Variants in COL6A6 observed in about 807,000 individuals in gnomAD.
The protein encoded by COL6A6 is collagen alpha-6(VI) chain.
In COL6A6, 183 loss-of-function variants were observed where a neutral mutation model predicts 208.6. The ratio of observed to expected loss-of-function variants is 0.88; its 90% CI spans 0.78 to 0.99. The LOEUF (loss-of-function observed/expected upper bound fraction) is 0.99. COL6A6 is among the 50% of genes least tolerant of loss of function. The pLI is 0.00. For synonymous variants in COL6A6, 973 were observed against 1,011.8 expected (o/e 0.96, Z 0.73); for missense variants, 2,816 against 2,815.2 (o/e 1.00, Z -0.01).
At chr3:130,548,597 CAA>C (rs2062573368) in intron 1 of COL6A6, among the ~76,000 whole-genome samples, 1 of 152,244 alleles carries the variant, frequency 6.6e-6, no homozygotes, top group Non-Finnish European at 1.5e-5. Flanking sequence ...TGGCATATTT[CAA>C]AGTGGCTCCT....
chr3:130,546,041 T>C (rs2062486763), intron 1 of COL6A6, among the ~76,000 whole-genome samples: 2 of 152,240 alleles, frequency 1.3e-5, no homozygotes, highest in East Asian at 3.8e-4. Flanking sequence ...TTTTCAGTTT[T>C]GGAAGTTTCT....
intron 1 of COL6A6, among the ~76,000 whole-genome samples, chr3:130,536,459 C>A (rs113870724): frequency 0.012 from 1,898 of 152,294 alleles, 32 homozygotes; most frequent in African/African-American, 0.043. Context: ...AGCAAGGAAA[C>A]AAATATTACC....
intron 21 of COL6A6, 67 bp downstream of exon 21, chr3:130,607,033 G>T (rs2064203674): frequency 7.6e-7 from 1 of 1,317,630 alleles, no homozygotes; most frequent in African/African-American, 1.5e-5. Context: ...CTGGAATAAA[G>T]TCTCTGTAAA....
At chr3:130,554,531 C>A (rs2062722959) in intron 1 of COL6A6, among the ~76,000 whole-genome samples, 1 of 152,124 alleles carries the variant, frequency 6.6e-6, no homozygotes. Flanking sequence ...CAATGCAGAG[C>A]CACTGGTCTC....
intron 1 of COL6A6, among the ~76,000 whole-genome samples, chr3:130,532,333 C>T (rs990553827): frequency 2.6e-5 from 4 of 152,036 alleles, no homozygotes; most frequent in Non-Finnish European, 4.4e-5. Context: ...AGTTTCTGTA[C>T]CCCCCCATCC....
At chr3:130,658,218 C>G (rs138702475) in intron 33 of COL6A6, among the ~76,000 whole-genome samples, 50 of 152,322 alleles carry the variant, frequency 3.3e-4, no homozygotes, top group African/African-American at 1.2e-3. Flanking sequence ...GATACTCTTT[C>G]TTAAATGGCT....
At chr3:130,673,243 C>T (rs1180972731) in intron 36 of COL6A6, among the ~76,000 whole-genome samples, 2 of 112,486 alleles carry the variant, frequency 1.8e-5, no homozygotes, top group Non-Finnish European at 3.5e-5. Context: ...AACCCAAGTG[C>T]AAACTCCTAC....
Position 130,599,771 on chromosome 3 carries a change from G to T in COL6A6, c.4614G>T (p.Trp1538Cys), listed in dbSNP as rs561654818. 1 of 1,613,742 alleles carries T rather than the reference G, an allele frequency of 6.2e-7. No individual in the cohort carries two copies. The highest frequency in any genetic ancestry group is 8.5e-7 in the Non-Finnish European group (1 of 1,179,758). ...GERGRQGRRG[W>C]PGPPGTPGSR... ...TCCTTTGACAGGGCAGAAGAGGCTG[G>T]CCAGGCCCCCCCGGGACACCAGGCT... The change falls in exon 20 of 37, where the codon TGG (tryptophan) becomes TGT (cysteine). Residue 1538 changes from tryptophan (W) to cysteine (C), a missense_variant. Trp to Cys is a radical substitution (Grantham distance 215). Coordinates refer to ENST00000358511, the MANE Select transcript of COL6A6 (RefSeq NM_001102608.3).
At chr3:130,525,460 A>G (rs1042146157) in intron 1 of COL6A6, among the ~76,000 whole-genome samples, 1 of 152,214 alleles carries the variant, frequency 6.6e-6, no homozygotes, top group African/African-American at 2.4e-5. Context: ...AATATTTTCA[A>G]AAGTCCATTC....
intron 23 of COL6A6, among the ~76,000 whole-genome samples, chr3:130,621,342 A>C (rs2064709260): frequency 6.6e-6 from 1 of 152,220 alleles, no homozygotes; most frequent in Non-Finnish European, 1.5e-5. Context: ...CTACCTAAAC[A>C]TATCTTATGA....
chr3:130,622,317 G>C (rs185586001), intron 24 of COL6A6, among the ~76,000 whole-genome samples: 30 of 151,288 alleles, frequency 2.0e-4, no homozygotes, highest in Non-Finnish European at 2.6e-4. Flanking sequence ...AGCTCCAGGA[G>C]AGACATCTTT....
At chr3:130,517,551 C>T (rs1710814696) in intron 1 of COL6A6, among the ~76,000 whole-genome samples, 154 bp downstream of exon 1, 1 of 152,254 alleles carries the variant, frequency 6.6e-6, no homozygotes, top group African/African-American at 2.4e-5. Flanking sequence ...CTCAAAAACT[C>T]CTCCTTTGGC....
chr3:130,596,021 A>G (rs2063842210), intron 18 of COL6A6, among the ~76,000 whole-genome samples: 1 of 152,188 alleles, frequency 6.6e-6, no homozygotes, highest in South Asian at 2.1e-4. Context: ...GAATCTCATG[A>G]GGATTTTTGT....
intron 1 of COL6A6, among the ~76,000 whole-genome samples, chr3:130,535,634 G>A (rs2062205527): frequency 6.6e-6 from 1 of 152,060 alleles, no homozygotes; most frequent in Non-Finnish European, 1.5e-5. Flanking sequence ...ACCTAAAGTG[G>A]TGAAAATGCC....
At chr3:130,535,764 CTCTA>C (rs978396340) in intron 1 of COL6A6, among the ~76,000 whole-genome samples, 4 of 152,274 alleles carry the variant, frequency 2.6e-5, no homozygotes, top group African/African-American at 7.2e-5. Flanking sequence ...GGGTGAAGCC[CTCTA>C]TCTACTCTTC....
At chr3:130,549,095 G>A (rs948023666) in intron 1 of COL6A6, among the ~76,000 whole-genome samples, 3 of 152,114 alleles carry the variant, frequency 2.0e-5, no homozygotes, top group African/African-American at 7.2e-5. Flanking sequence ...TGTTTCTAAT[G>A]CTATAAAAAG....
intron 1 of COL6A6, among the ~76,000 whole-genome samples, chr3:130,540,234 C>T (rs1405430879): frequency 1.3e-5 from 2 of 152,300 alleles, no homozygotes; most frequent in East Asian, 3.9e-4. Context: ...AGCTGAAGGA[C>T]AGATTTCCCA....
intron 12 of COL6A6, 97 bp from the exon 13 acceptor site, chr3:130,590,944 T>C: frequency 1.1e-6 from 1 of 877,060 alleles, no homozygotes. Flanking sequence ...ACACTTACTA[T>C]TCCACATGAA....
intron 1 of COL6A6, among the ~76,000 whole-genome samples, chr3:130,549,740 T>C (rs1309328604): frequency 6.6e-6 from 1 of 152,206 alleles, no homozygotes; most frequent in Non-Finnish European, 1.5e-5. Context: ...TCGGTTCCAT[T>C]GGTCTGTGTG....
Sources: allele counts gnomAD v4.1 joint callset (sites outside exome capture counted in the v4.1 genomes callset), GRCh38; gene constraint gnomAD v4.1.1; transcripts MANE v1.5; gene names NCBI Gene and HGNC (gene_info 2026-07-23, HGNC 2026-07-21).